IL5: variants seen among roughly 807,000 people sequenced by gnomAD.
IL5 encodes interleukin 5.
Under a neutral mutation model 16.3 loss-of-function variants are expected in IL5, and 12 were observed. That is an observed-to-expected ratio of 0.74 (90% CI 0.47 to 1.20). IL5 has a LOEUF of 1.20. IL5 is among the 50% of genes most tolerant of loss of function. The pLI, the probability that IL5 is intolerant of heterozygous loss-of-function variation, is 0.00. For missense variants in IL5, 159 were observed against 153.9 expected (o/e 1.03, Z -0.17); for synonymous variants, 54 against 56.6 (o/e 0.95, Z 0.21).
At chr5:132,546,586 T>C (rs1331789332), upstream of IL5, among the ~76,000 whole-genome samples, 1 of 152,234 alleles carries the variant, frequency 6.6e-6, no homozygotes, top group Non-Finnish European at 1.5e-5. Context: ...CTTTGGCTAT[T>C]GTGAATAATG....
chr5:132,544,695 T>C (rs982129592), upstream of IL5, among the ~76,000 whole-genome samples: 6 of 152,158 alleles, frequency 3.9e-5, no homozygotes, highest in Non-Finnish European at 5.9e-5. Flanking sequence ...TGGAGGTGTA[T>C]GTGGCTCATT....
At chr5:132,550,320 G>T (rs911741715) in intron 1 of IL5, among the ~76,000 whole-genome samples, 3 of 148,694 alleles carry the variant, frequency 2.0e-5, no homozygotes, top group Non-Finnish European at 3.0e-5. Context: ...GCAGAAAAAA[G>T]AAATCTTTTT....
Position 132,541,811 on chromosome 5 carries a change from T to G in IL5, c.405A>C (p.Ter135CysextTer2). 6.2e-7 allele frequency: 1 copy of G among 1,605,716 alleles called. No individual in the cohort carries two copies. The highest frequency in any genetic ancestry group is 8.5e-7 in the Non-Finnish European group (1 of 1,173,354). ...TTGGCTGCAACAAACCAGTTTAGTC[T>G]CAACTTTCTATTATCCACTCGGTGT... is the stretch of plus-strand genomic sequence containing the variant. The part of the protein sequence containing the change: ...VMNTEWIIES[*>C] The change falls in exon 4 of 4, where the codon TGA becomes TGC. Residue 135 changes from the stop codon to cysteine (C), a stop_lost. Coordinates refer to ENST00000231454, the MANE Select transcript of IL5 (RefSeq NM_000879.3).
At chr5:132,544,127 C>G (rs1054450404), upstream of IL5, among the ~76,000 whole-genome samples, 1 of 152,170 alleles carries the variant, frequency 6.6e-6, no homozygotes, top group Admixed American at 6.5e-5. Flanking sequence ...AATGGAGGCT[C>G]TTTTACATTT....
At chr5:132,542,251 C>A (rs888329813) in intron 2 of IL5, 108 bp from the exon 3 acceptor site, 2 of 561,576 alleles carry the variant, frequency 3.6e-6, no homozygotes, top group Non-Finnish European at 6.0e-6. Context: ...ATATTGTACA[C>A]AATAAATATA....
At chr5:132,548,993 G>A (rs1221628339) in intron 1 of IL5, among the ~76,000 whole-genome samples, 1 of 152,144 alleles carries the variant, frequency 6.6e-6, no homozygotes, top group Non-Finnish European at 1.5e-5. Context: ...TTCCCTTAAA[G>A]TCTGTTTCCA....
chr5:132,550,956 G>A (rs1356645968), intron 1 of IL5, among the ~76,000 whole-genome samples: 6 of 152,190 alleles, frequency 3.9e-5, no homozygotes, highest in African/African-American at 1.4e-4. Flanking sequence ...GTGGAAGGTG[G>A]GGGGTGATCT....
intron 1 of IL5, among the ~76,000 whole-genome samples, chr5:132,549,344 G>A (rs1024793024): frequency 1.3e-5 from 2 of 152,236 alleles, no homozygotes; most frequent in East Asian, 1.9e-4. Flanking sequence ...ATGAGCCACC[G>A]TGCCCGGCCT....
upstream of IL5, among the ~76,000 whole-genome samples, chr5:132,545,292 T>A (rs1366152907): frequency 6.6e-6 from 1 of 152,174 alleles, no homozygotes; most frequent in Non-Finnish European, 1.5e-5. Context: ...GGTGAAAGTT[T>A]CAGGGGAATT....
chr5:132,543,691 C>G (rs149866336), upstream of IL5: 1,026 of 396,952 alleles, frequency 2.6e-3, 16 homozygotes, highest in African/African-American at 0.019. Flanking sequence ...AATAAAAATC[C>G]CTGTTTCCCC....
rs558432557 is a variant in IL5, at chr5:132,550,228, T to A, written c.42+6446A>T. On this transcript the variant is annotated intron_variant, in intron 1 of 2. Transcript: ENST00000450655. ...AAACACCTGTGTAAAATTTTAAAAATTTTCCTTATGCTAATGAACTTGTAT... is the reference window on the plus strand; with the variant it reads ...AAACACCTGTGTAAAATTTTAAAAAATTTCCTTATGCTAATGAACTTGTAT... 1.5e-3 allele frequency among the ~76,000 whole-genome samples: 232 copies of A among 152,324 alleles called. 1 individual carries two copies. The highest frequency in any genetic ancestry group is 0.01 in the Middle Eastern group (3 of 292).
In IL5 at chr5:132,543,166, C is replaced by A. The variant is rs752943234; in HGVS notation, c.145-40G>T. On this transcript the variant is annotated intron_variant, in intron 1 of 3. Coordinates refer to ENST00000231454, the MANE Select transcript of IL5 (RefSeq NM_000879.3). ...AAATACAATCATTTTTACAGCACAC[C>A]AGCATTCATAACTTTTAACAGAATG... 3.8e-6 allele frequency: 6 copies of A among 1,579,170 alleles called. No individual in the cohort carries two copies. The African/African-American group carries it at 5.4e-5, about 14-fold the overall frequency.
intron 1 of IL5, among the ~76,000 whole-genome samples, chr5:132,552,770 C>G (rs1749904315): frequency 6.6e-6 from 1 of 152,168 alleles, no homozygotes. Context: ...GAGTCCTGCT[C>G]TGTCACCCAG....
Position 132,542,125 on chromosome 5 carries a change from C to G in IL5, c.196G>C (p.Glu66Gln). ...VHKNHQLCTE[E>Q]IFQGIGTLES... is the part of the protein sequence containing the mutation. ...AGTGTGCCTATTCCCTGAAAGATTT[C>G]TTCAGTGCACAGTTGGTGCTAAATG... The change falls in exon 3 of 4, where the codon GAA becomes CAA. Residue 66 changes from glutamate to glutamine, a missense_variant. Physicochemically the swap from Glu to Gln is conservative, Grantham distance 29 (BLOSUM62 2). Coordinates refer to ENST00000231454, the MANE Select transcript of IL5 (RefSeq NM_000879.3). 1 of 1,612,854 alleles carries G rather than the reference C, an allele frequency of 6.2e-7. No homozygotes were observed. The highest frequency in any genetic ancestry group is 1.7e-5 in the Admixed American group (1 of 59,788).
chr5:132,555,257 C>A (rs1036582203), intron 1 of IL5, among the ~76,000 whole-genome samples: 5 of 152,134 alleles, frequency 3.3e-5, no homozygotes, highest in Non-Finnish European at 5.9e-5. Flanking sequence ...CATGGATGAA[C>A]CTTGAGGACA....
chr5:132,553,753 G>C (rs1057422053), intron 1 of IL5, among the ~76,000 whole-genome samples: 4 of 151,738 alleles, frequency 2.6e-5, no homozygotes, highest in Non-Finnish European at 5.9e-5. Flanking sequence ...TGGCTAACAC[G>C]GTGAAACCCC....
chr5:132,548,922 G>A (rs1418627577), intron 1 of IL5, among the ~76,000 whole-genome samples: 1 of 152,184 alleles, frequency 6.6e-6, no homozygotes, highest in East Asian at 1.9e-4. Context: ...ATATGCCATA[G>A]GAATGTAAGC....
chr5:132,555,308 T>G (rs573861793), intron 1 of IL5, among the ~76,000 whole-genome samples: 83 of 152,258 alleles, frequency 5.5e-4, no homozygotes, highest in African/African-American at 1.7e-3. Context: ...ATAAATACTG[T>G]ATGATTCCAC....
At position 132,541,722 on chromosome 5, in the gene IL5, A is replaced by G; in HGVS notation, c.*89T>C. On this transcript the variant is annotated 3_prime_UTR_variant, in exon 4 of 4. Coordinates refer to ENST00000231454, the MANE Select transcript of IL5 (RefSeq NM_000879.3). ...CTGAAGTTAAATTATACTGAAAATT[A>G]AGGCCTGACTCTTTCTTGGCCCTCA... is the stretch of plus-strand genomic sequence containing the variant. 2 of 727,550 alleles carry G rather than the reference A, an allele frequency of 2.7e-6. No homozygotes were observed. The highest frequency in any genetic ancestry group is 4.6e-6 in the Non-Finnish European group (2 of 430,774). The allele number at this position is 727,550 out of a possible 1,614,324, so 45.1% of individuals were successfully genotyped here.
Sources: allele counts gnomAD v4.1 joint callset (sites outside exome capture counted in the v4.1 genomes callset), GRCh38; gene constraint gnomAD v4.1.1; transcripts MANE v1.5; gene names NCBI Gene and HGNC (gene_info 2026-07-23, HGNC 2026-07-21).